FAM227B: variants seen among roughly 807,000 people sequenced by gnomAD.
The protein encoded by FAM227B is family with sequence similarity 227 member B.
Under a neutral mutation model 73.8 loss-of-function variants are expected in FAM227B, and 88 were observed. The ratio of observed to expected loss-of-function variants is 1.19; its 90% confidence interval spans 1.00 to 1.42. The LOEUF (loss-of-function observed/expected upper bound fraction) is 1.42. Ranked by LOEUF, FAM227B falls within the 40% of genes most tolerant of loss-of-function variation. The probability of loss-of-function intolerance (pLI) is 0.00; values close to 1 mark genes in which losing one functional copy is unlikely to be tolerated. For missense variants in FAM227B, 632 were observed against 590.9 expected, an observed-to-expected ratio of 1.07 and a Z score of -0.72; for synonymous variants, 210 against 190.5, an observed-to-expected ratio of 1.10 and a Z score of -0.84.
intron 10 of FAM227B, among the ~76,000 whole-genome samples, chr15:49,509,037 C>T (rs1245719920): frequency 6.6e-6 from 1 of 152,150 alleles, no homozygotes; most frequent in Non-Finnish European, 1.5e-5. Flanking sequence ...CTTTATTGTG[C>T]TTTCCTTAGG....
chr15:49,407,543 A>T (rs1447126889), intron 11 of FAM227B, among the ~76,000 whole-genome samples: 1 of 151,596 alleles, frequency 6.6e-6, no homozygotes, highest in Admixed American at 6.6e-5. Context: ...CCCTATTTTT[A>T]AAATTTTAAC....
chr15:49,465,916 G>C (rs2054227494), intron 11 of FAM227B, among the ~76,000 whole-genome samples: 1 of 152,076 alleles, frequency 6.6e-6, no homozygotes, highest in African/African-American at 2.4e-5. Context: ...CATTTATTGA[G>C]GGTGTGTCAA....
At chr15:49,498,880 T>C (rs952982871) in intron 11 of FAM227B, among the ~76,000 whole-genome samples, 4 of 152,134 alleles carry the variant, frequency 2.6e-5, no homozygotes, top group Non-Finnish European at 4.4e-5. Flanking sequence ...AAGAAGGGCA[T>C]TACAGGCCGG....
chr15:49,359,039 A>G (rs1000464839), intron 13 of FAM227B, among the ~76,000 whole-genome samples: 24 of 152,168 alleles, frequency 1.6e-4, no homozygotes, highest in Admixed American at 7.2e-4. Context: ...AGCCATATGT[A>G]TAAAGCTGAA....
intron 8 of FAM227B, among the ~76,000 whole-genome samples, chr15:49,571,642 A>C (rs2075113295): frequency 6.6e-6 from 1 of 151,896 alleles, no homozygotes; most frequent in South Asian, 2.1e-4. Flanking sequence ...CTTTGTTGAA[A>C]ACCAATTAGT....
chr15:49,479,230 T>C (rs1353910935), intron 11 of FAM227B, among the ~76,000 whole-genome samples: 1 of 147,372 alleles, frequency 6.8e-6, no homozygotes, highest in Non-Finnish European at 1.5e-5. Context: ...TCATGTTCTA[T>C]TGCATGAGCT....
chr15:49,468,527 A>G (rs542355733), intron 11 of FAM227B, among the ~76,000 whole-genome samples: 30 of 152,270 alleles, frequency 2.0e-4, no homozygotes, highest in African/African-American at 7.0e-4. Context: ...CAACGACAAG[A>G]TTAGTATTAT....
intron 11 of FAM227B, among the ~76,000 whole-genome samples, chr15:49,390,945 T>C (rs2047174209): frequency 6.6e-6 from 1 of 151,980 alleles, no homozygotes; most frequent in Non-Finnish European, 1.5e-5. Context: ...TGGAAAGAAC[T>C]GTCCTTAGGA....
chr15:49,340,091 TCCCTGGCTTCTGCC>T (rs551604939), intron 13 of FAM227B, among the ~76,000 whole-genome samples: 1 of 152,264 alleles, frequency 6.6e-6, no homozygotes, highest in South Asian at 2.1e-4. Context: ...ACCACTTGGC[TCCCTGGCTTCTGCC>T]CCCTTTCCAG....
chr15:49,497,914 G>A (rs2057766674), intron 11 of FAM227B, among the ~76,000 whole-genome samples: 1 of 152,212 alleles, frequency 6.6e-6, no homozygotes, highest in Non-Finnish European at 1.5e-5. Context: ...ACCATTGCTT[G>A]CTATTTCTAG....
intron 11 of FAM227B, among the ~76,000 whole-genome samples, chr15:49,451,949 TAAC>T (rs1468366573): frequency 6.6e-6 from 1 of 152,120 alleles, no homozygotes; most frequent in African/African-American, 2.4e-5. Context: ...CTGTGTTTAA[TAAC>T]TAGTGAAAAA....
At chr15:49,531,471 C>T (rs577969501) in intron 10 of FAM227B, among the ~76,000 whole-genome samples, 53 of 151,530 alleles carry the variant, frequency 3.5e-4, no homozygotes, top group Middle Eastern at 3.4e-3. Context: ...TTCTCTATAA[C>T]AACTTGCAAA....
chr15:49,592,414 C>T (rs776655538), intron 3 of FAM227B, among the ~76,000 whole-genome samples: 1 of 152,212 alleles, frequency 6.6e-6, no homozygotes, highest in Non-Finnish European at 1.5e-5. Context: ...TTTCTTCTAA[C>T]AATCAGGTCC....
chr15:49,367,293 C>A (rs2045369553), intron 13 of FAM227B, among the ~76,000 whole-genome samples, 155 bp downstream of exon 13: 1 of 152,138 alleles, frequency 6.6e-6, no homozygotes, highest in African/African-American at 2.4e-5. Flanking sequence ...GCCAAACATA[C>A]TACCAAAGTT....
chr15:49,500,969 G>T (rs1360048147), intron 11 of FAM227B, among the ~76,000 whole-genome samples: 2 of 152,170 alleles, frequency 1.3e-5, no homozygotes, highest in East Asian at 3.8e-4. Context: ...TGCCATGATT[G>T]TAAGCTTCCT....
At chr15:49,332,090 CACACACACACACA>C (rs2038890646) in intron 14 of FAM227B, among the ~76,000 whole-genome samples, 8 of 60,920 alleles carry the variant, frequency 1.3e-4, no homozygotes, top group African/African-American at 1.1e-3. Flanking sequence ...ACACGTGCCA[CACACACACACACA>C]CACACACACA....
chr15:49,591,978 T>C (rs1350070090), intron 3 of FAM227B, among the ~76,000 whole-genome samples: 11 of 152,220 alleles, frequency 7.2e-5, no homozygotes, highest in Non-Finnish European at 1.6e-4. Context: ...TATTGAAGCT[T>C]GTGCACGTCA....
chr15:49,393,370 T>A (rs2047347991), intron 11 of FAM227B, among the ~76,000 whole-genome samples: 1 of 152,210 alleles, frequency 6.6e-6, no homozygotes, highest in South Asian at 2.1e-4. Context: ...AATGACGTAG[T>A]GTCAGTTCCC....
At chr15:49,409,068 T>G (rs2151673878) in intron 11 of FAM227B, among the ~76,000 whole-genome samples, 1 of 152,346 alleles carries the variant, frequency 6.6e-6, no homozygotes, top group Non-Finnish European at 1.5e-5. Flanking sequence ...GTTTGTCATC[T>G]TTGGTTCATA....
Sources: gnomAD v4.1 joint callset for allele counts (sites outside exome capture counted in the v4.1 genomes callset) on GRCh38, gnomAD v4.1.1 for gene constraint, MANE v1.5 for transcripts, NCBI Gene and HGNC (gene_info 2026-07-23, HGNC 2026-07-21) for gene names.